Variants in DRG2 observed in about 807,000 individuals in gnomAD.
DRG2 encodes the protein developmentally-regulated GTP-binding protein 2.
A neutral mutation model predicts 53.4 loss-of-function variants in DRG2; 36 were observed. That is an observed-to-expected ratio of 0.67 (90% CI 0.52 to 0.89). The LOEUF is 0.89. DRG2 is among the 40% of genes least tolerant of loss of function. The probability of loss-of-function intolerance (pLI) is 0.00; values close to 1 mark genes in which losing one functional copy is unlikely to be tolerated. For synonymous variants in DRG2, 167 were observed against 192.1 expected (o/e 0.87, Z 1.08); for missense variants, 342 against 481.2 (o/e 0.71, Z 2.71).
chr17:18,104,493 C>G, intron 10 of DRG2, 130 bp from the exon 11 acceptor site: 1 of 1,512,596 alleles, frequency 6.6e-7, no homozygotes, highest in Non-Finnish European at 8.8e-7. Flanking sequence ...TGCTGGATGT[C>G]AGGGGGAGGT....
At chr17:18,090,642 C>T (rs147132279) in intron 1 of DRG2, among the ~76,000 whole-genome samples, 90 of 151,692 alleles carry the variant, frequency 5.9e-4, no homozygotes, top group African/African-American at 2.1e-3. Context: ...TCAGTTGATC[C>T]GCCCACCTCG....
At chr17:18,104,432 G>C in intron 10 of DRG2, 191 bp from the exon 11 acceptor site, 2 of 1,245,680 alleles carry the variant, frequency 1.6e-6, no homozygotes, top group Non-Finnish European at 2.2e-6. Flanking sequence ...TTGAGTCACT[G>C]TGTTAAGATC....
At position 18,098,458 on chromosome 17, in the gene DRG2, C is replaced by A; in HGVS notation, c.315+99C>A. On this transcript the variant is annotated intron_variant, in intron 3 of 12. Transcript: ENST00000225729. The surrounding 1 kb of genome is among the most constrained non-coding windows in gnomAD (Gnocchi z 4.1). Reference sequence around the variant, plus strand: ...GTGTGTGAGTCTGGGTGGATGTCCCCATGTCAGGACAGGCTCTGGACTGAG... The same window carrying A: ...GTGTGTGAGTCTGGGTGGATGTCCCAATGTCAGGACAGGCTCTGGACTGAG... 9.4e-7 allele frequency: 1 copy of A among 1,066,516 alleles called. No individual in the cohort carries two copies. The highest frequency in any genetic ancestry group is 1.3e-5 in the South Asian group (1 of 76,608). The allele number at this position is 1,066,516 out of a possible 1,614,324, so 66.1% of individuals were successfully genotyped here.
chr17:18,100,719 G>C lies in DRG2; in HGVS notation c.631+60G>C, dbSNP rs371227446. Reference sequence around the variant, plus strand: ...GCCACCACCGTCAGCGCAGCGGGGGGACTGACTAAGACAGGAGGCCTCATG... The same window carrying C: ...GCCACCACCGTCAGCGCAGCGGGGGCACTGACTAAGACAGGAGGCCTCATG... On this transcript the variant is annotated intron_variant, in intron 7 of 12. Transcript: ENST00000225729. This position sits in a 1 kb window ranked among gnomAD's most constrained non-coding sequence, Gnocchi z 4.1. 2.0e-6 allele frequency: 3 copies of C among 1,510,144 alleles called. No homozygotes were observed. The East Asian group carries it at 7.3e-5, about 37-fold the overall frequency. The allele number at this position is 1,510,144 out of a possible 1,614,324, so 93.5% of individuals were successfully genotyped here. A position where few individuals can be genotyped will look rare whatever the true frequency, so the allele number is the denominator to read the frequency against.
Position 18,093,968 on chromosome 17 carries a change from G to C in DRG2, c.220G>C (p.Gly74Arg). ...GGCGCTGATTGGATTTCCCTCTGTG[G>C]GTAAGGTCAGTGATGGTCAGTGTGG... ...RVALIGFPSV[G>R]KSTFLSLMTS... The change falls in exon 2 of 13, where the codon GGT (glycine) becomes CGT (arginine). Residue 74 changes from glycine (G) to arginine (R), a missense_variant. By Grantham distance (125) the Gly-to-Arg change is moderately radical. Transcript: ENST00000225729. 4 of 1,613,996 alleles carry C rather than the reference G, an allele frequency of 2.5e-6. No homozygotes were observed. Among genetic ancestry groups the C allele is most frequent in the Non-Finnish European group, 3.4e-6 (4 of 1,179,924 alleles).
chr17:18,099,866 C>G lies in DRG2; in HGVS notation c.467+143C>G. ...GACTTGTCACAGACTAAACCCAACA[C>G]CACCCAGCCTATGGCGTCTTCTCCT... On this transcript the variant is annotated intron_variant, in intron 5 of 12. Transcript: ENST00000225729. The surrounding 1 kb of genome is among the most constrained non-coding windows in gnomAD (Gnocchi z 4.4). 1.3e-6 allele frequency: 1 copy of G among 789,408 alleles called. No homozygotes were observed. Among genetic ancestry groups the G allele is most frequent in the South Asian group, 1.7e-5 (1 of 58,394 alleles). The allele number at this position is 789,408 out of a possible 1,614,324, so 48.9% of individuals were successfully genotyped here.
intron 11 of DRG2, 141 bp downstream of exon 11, chr17:18,104,822 C>A: frequency 1.4e-6 from 2 of 1,398,256 alleles, no homozygotes; most frequent in South Asian, 2.7e-5. Flanking sequence ...TGGAGTTGGA[C>A]AGCCTGGGGC....
At chr17:18,094,930 CACCATT>C (rs1253440017) in intron 2 of DRG2, among the ~76,000 whole-genome samples, 1 of 119,886 alleles carries the variant, frequency 8.3e-6, no homozygotes, top group African/African-American at 3.3e-5. Flanking sequence ...GCCGAGATTG[CACCATT>C]GCACTCTAGC....
chr17:18,091,414 CG>C (rs1567598697), intron 1 of DRG2, among the ~76,000 whole-genome samples: 2 of 152,088 alleles, frequency 1.3e-5, no homozygotes, highest in African/African-American at 4.8e-5. Context: ...GGTGAAACCC[CG>C]TCTCTACTAA....
intron 10 of DRG2, among the ~76,000 whole-genome samples, chr17:18,104,185 C>T (rs2045587122): frequency 6.6e-6 from 1 of 152,190 alleles, no homozygotes; most frequent in Non-Finnish European, 1.5e-5. Context: ...GGAGCCATCC[C>T]CATGTCTAAC....
In DRG2 at chr17:18,099,832, T is replaced by A; in HGVS notation, c.467+109T>A. The A allele has an allele frequency of 9.1e-7, 1 of 1,094,706 alleles. No homozygotes were observed. The highest frequency in any genetic ancestry group is 1.3e-6 in the Non-Finnish European group (1 of 746,616). 67.8% of individuals were successfully genotyped at this position (1,094,706 alleles called of 1,614,324 possible). The stretch of plus-strand genomic sequence containing the variant: ...TGTTTGGCTCTCTCACACGTGAGAG[T>A]AGTGGTAGGACTTGTCACAGACTAA... On this transcript the variant is annotated intron_variant, in intron 5 of 12. Transcript: ENST00000225729. The surrounding 1 kb of genome is among the most constrained non-coding windows in gnomAD (Gnocchi z 4.4).
At chr17:18,107,133 C>T in intron 12 of DRG2, 21 bp from the exon 13 acceptor site, 2 of 1,612,110 alleles carry the variant, frequency 1.2e-6, no homozygotes, top group Non-Finnish European at 1.7e-6. Flanking sequence ...GGTGACCCCT[C>T]TGCCCCCATT....
Position 18,103,849 on chromosome 17 carries a change from G to T in DRG2, c.855G>T (p.Glu285Asp), listed in dbSNP as rs1232312148. 6.2e-7 allele frequency: 1 copy of T among 1,612,080 alleles called. No individual in the cohort carries two copies. Among genetic ancestry groups the T allele is most frequent in the Admixed American group, 1.7e-5 (1 of 59,882 alleles). Reference sequence around the variant, plus strand: ...ACTATCTGCTGGAGATGCTTTGGGAGTACTTGGCCCTGACCTGCATCTACA... The same window carrying T: ...ACTATCTGCTGGAGATGCTTTGGGATTACTTGGCCCTGACCTGCATCTACA... ...NLDYLLEMLW[E>D]YLALTCIYTK... Residue 285 changes from glutamate to aspartate, a missense_variant, in exon 10 of 13, where the codon GAG (glutamate) becomes GAT (aspartate). Physicochemically the swap from Glu to Asp is conservative, Grantham distance 45 (BLOSUM62 2). Coordinates refer to ENST00000225729, the MANE Select transcript of DRG2 (RefSeq NM_001388.5). This position sits in a 1 kb window ranked among gnomAD's most constrained non-coding sequence, Gnocchi z 4.4.
chr17:18,095,056 C>CTT (rs374098723), intron 2 of DRG2, among the ~76,000 whole-genome samples: 2 of 130,236 alleles, frequency 1.5e-5, no homozygotes, highest in African/African-American at 5.6e-5. Context: ...TATTGGTTTA[C>CTT]TTTTTTTTTT....
chr17:18,104,137 AGGCCCTACCGCAGGAGCAT>A (rs536308957), intron 10 of DRG2, among the ~76,000 whole-genome samples: 73 of 152,298 alleles, frequency 4.8e-4, no homozygotes, highest in African/African-American at 1.7e-3. Flanking sequence ...TCACAGTGAC[AGGCCCTACCGCAGGAGCAT>A]TAGGGACCTG....
At chr17:18,106,533 C>T (rs1207977474) in intron 12 of DRG2, 47 bp downstream of exon 12, 3 of 1,604,256 alleles carry the variant, frequency 1.9e-6, no homozygotes, top group Middle Eastern at 1.7e-4. Flanking sequence ...CCCAGGACAG[C>T]CCCTGGGTTA....
Position 18,101,963 on chromosome 17 carries a change from C to T in DRG2, c.772C>T (p.Arg258Cys), listed in dbSNP as rs909221945. 5.6e-6 allele frequency: 9 copies of T among 1,612,070 alleles called. No individual in the cohort carries two copies. The highest frequency in any genetic ancestry group is 4.0e-5 in the African/African-American group (3 of 74,902). The change falls in exon 9 of 13, where the codon CGC becomes TGC. Residue 258 changes from arginine (R) to cysteine (C), a missense_variant. Coordinates refer to ENST00000225729, the MANE Select transcript of DRG2 (RefSeq NM_001388.5). Reference protein sequence around the residue: ...IDQISMEEVDRLARKPNSVVI... With the variant: ...IDQISMEEVDCLARKPNSVVI... ...CCAGATCTCCATGGAAGAGGTGGAC[C>T]GCCTGGCCCGAAAACCCAACAGTGT...
chr17:18,097,680 C>T (rs2045456532), intron 2 of DRG2: 1 of 152,510 alleles, frequency 6.6e-6, no homozygotes, highest in South Asian at 2.1e-4. Context: ...TGCCCAATCC[C>T]AGGACACCCC....
intron 1 of DRG2, among the ~76,000 whole-genome samples, chr17:18,088,547 G>A (rs1187872610): frequency 6.6e-6 from 1 of 152,240 alleles, no homozygotes; most frequent in East Asian, 1.9e-4. Flanking sequence ...CTGGGTTTGA[G>A]CCCCAGGTCC....
Sources: gnomAD v4.1 joint callset for allele counts (sites outside exome capture counted in the v4.1 genomes callset) on GRCh38, gnomAD v4.1.1 for gene constraint, Gnocchi (gnomAD v3.1) non-coding constraint, MANE v1.5 for transcripts, NCBI Gene and HGNC (gene_info 2026-07-23, HGNC 2026-07-21) for gene names.